The following ZNF91 variants were observed in gnomAD, a reference collection of about 807,000 sequenced individuals.
ZNF91 encodes the protein zinc finger protein 91.
Under a neutral mutation model 12.6 loss-of-function variants are expected in ZNF91, and 7 were observed. That is an observed-to-expected ratio of 0.55 (90% confidence interval 0.31 to 1.04). The LOEUF (loss-of-function observed/expected upper bound fraction) is 1.04. ZNF91 is among the 50% of genes least tolerant of loss of function. The probability of loss-of-function intolerance (pLI) is 0.05; values close to 1 mark genes in which losing one functional copy is unlikely to be tolerated. For missense variants in ZNF91, 1,217 were observed against 1,385.4 expected, an observed-to-expected ratio of 0.88 and a Z score of 1.93; for synonymous variants, 453 against 462.6, an observed-to-expected ratio of 0.98 and a Z score of 0.27.
At chr19:23,387,797 G>A (rs10421717) in intron 1 of ZNF91, among the ~76,000 whole-genome samples, 2,392 of 151,878 alleles carry the variant, frequency 0.016, 58 homozygotes, top group African/African-American at 0.054. Flanking sequence ...AAAATTAGTC[G>A]GGCATGGTGG....
intron 3 of ZNF91, among the ~76,000 whole-genome samples, chr19:23,349,676 A>G (rs747640536): frequency 1.3e-5 from 2 of 152,082 alleles, no homozygotes; most frequent in East Asian, 1.9e-4. Flanking sequence ...AGGCCCCTAC[A>G]CTGTGATACG....
chr19:23,368,952 T>C (rs920775275), intron 3 of ZNF91, among the ~76,000 whole-genome samples: 13 of 152,074 alleles, frequency 8.5e-5, no homozygotes, highest in African/African-American at 2.9e-4. Flanking sequence ...CAAAATCCCC[T>C]CACACCCACT....
In ZNF91 at chr19:23,318,779, T is replaced by C. The variant is rs187688223; in HGVS notation, n.117-9682A>G. 8.5e-3 allele frequency among the ~76,000 whole-genome samples: 1,300 copies of C among 152,314 alleles called. 13 individuals carry two copies. The highest frequency in any genetic ancestry group is 0.013 in the Non-Finnish European group (905 of 68,004). ...GCCCAACACACAGGTGATGTGATTC[T>C]ACTGCCTGGTCATTGCCCACAGGGG... On this transcript the variant is annotated intron_variant and non_coding_transcript_variant, in intron 1 of 1. Coordinates refer to the ZNF91 transcript ENST00000596528.
At chr19:23,366,016 C>T (rs1243976613) in intron 3 of ZNF91, among the ~76,000 whole-genome samples, 1 of 152,250 alleles carries the variant, frequency 6.6e-6, no homozygotes, top group African/African-American at 2.4e-5. Context: ...TTTTCCCCAC[C>T]TTTCCCCCTC....
chr19:23,351,283 C>T (rs1968358173), intron 3 of ZNF91, among the ~76,000 whole-genome samples: 1 of 150,172 alleles, frequency 6.7e-6, no homozygotes, highest in Non-Finnish European at 1.5e-5. Flanking sequence ...AAGATCACAC[C>T]ACTGCACTCC....
intron 2 of ZNF91, among the ~76,000 whole-genome samples, 170 bp downstream of exon 2, chr19:23,374,468 G>T (rs560466952): frequency 6.8e-6 from 1 of 147,938 alleles, no homozygotes; most frequent in Admixed American, 6.8e-5. Flanking sequence ...GCTGAGTCAG[G>T]AGAATGGTGT....
At chr19:23,394,779 AT>A (rs1454913866) in intron 1 of ZNF91, among the ~76,000 whole-genome samples, 1 of 152,180 alleles carries the variant, frequency 6.6e-6, no homozygotes, top group Non-Finnish European at 1.5e-5. Flanking sequence ...AAATTACTGA[AT>A]TTGGTTTTCT....
chr19:23,310,030 C>T (rs1967448887), intron 1 of ZNF91, among the ~76,000 whole-genome samples: 2 of 152,102 alleles, frequency 1.3e-5, no homozygotes, highest in African/African-American at 4.8e-5. Context: ...CATTTCTAAA[C>T]CCAGCTCTGG....
Position 23,360,613 on chromosome 19 carries a change from T to C in ZNF91, c.2366A>G (p.Lys789Arg), listed in dbSNP as rs1187085843. ...FIWSSTLTRHKRIHTGEKPYK... is the reference protein window; with the variant it reads ...FIWSSTLTRHRRIHTGEKPYK... ...GGGCTTCTCTCCAGTGTGTATCCTC[T>C]TATGTCTAGTTAGGGTTGAAGACCA... The change falls in exon 4 of 4, where the codon AAG becomes AGG. Residue 789 changes from lysine (K) to arginine (R), a missense_variant. This residue lies in a region of ZNF91 where 491 missense variants were observed against 489.8 expected (regional missense o/e 1.00). Coordinates refer to ENST00000300619, the MANE Select transcript of ZNF91 (RefSeq NM_003430.4). 3 of 1,613,936 alleles carry C rather than the reference T, an allele frequency of 1.9e-6. No individual in the cohort carries two copies. The highest frequency in any genetic ancestry group is 1.1e-5 in the South Asian group (1 of 91,068).
chr19:23,370,395 A>C (rs1477175675), intron 3 of ZNF91, among the ~76,000 whole-genome samples: 1 of 152,238 alleles, frequency 6.6e-6, no homozygotes, highest in East Asian at 1.9e-4. Flanking sequence ...AGAGAGCATA[A>C]AATGGTCAAA....
intron 1 of ZNF91, among the ~76,000 whole-genome samples, chr19:23,392,402 A>G (rs918531844): frequency 2.1e-5 from 3 of 145,004 alleles, no homozygotes; most frequent in Non-Finnish European, 4.6e-5. Flanking sequence ...ATCTCAAAAA[A>G]AAAAAAAAAA....
rs368731116 is a variant in ZNF91, at chr19:23,323,775, TTC to T, written n.117-14680_117-14679del. Among the ~76,000 whole-genome samples, 860 of 139,182 alleles carry T rather than the reference TTC, an allele frequency of 6.2e-3. 4 individuals carry two copies. The highest frequency in any genetic ancestry group is 0.024 in the African/African-American group (734 of 30,370). 91.3% of individuals were successfully genotyped at this position (139,182 alleles called of 152,430 possible). A position where few individuals can be genotyped will look rare whatever the true frequency, so the allele number is the denominator to read the frequency against. On this transcript the variant is annotated intron_variant and non_coding_transcript_variant, in intron 1 of 1. Coordinates refer to the ZNF91 transcript ENST00000596528. Reference sequence around the variant, plus strand: ...TTTTCTCATTCTTTTCGTCTCCTCCTTCTCTTTCTTCTTCCTCCTTCTCCTCT... The same window carrying T: ...TTTTCTCATTCTTTTCGTCTCCTCCTTCTTTCTTCTTCCTCCTTCTCCTCT...
At chr19:23,341,141 C>T (rs1968116103) in intron 3 of ZNF91, among the ~76,000 whole-genome samples, 1 of 151,256 alleles carries the variant, frequency 6.6e-6, no homozygotes, top group Non-Finnish European at 1.5e-5. Flanking sequence ...ACCACTGACT[C>T]CCAGGTTCAA....
At chr19:23,309,103 A>C (rs891853113) in intron 1 of ZNF91, 2 of 123,366 alleles carry the variant, frequency 1.6e-5, no homozygotes, top group African/African-American at 5.6e-5. Flanking sequence ...GGGCCCTGCC[A>C]AAAAAAAAAA....
chr19:23,338,125 GACAT>G (rs1477560292), downstream of ZNF91: 22 of 152,156 alleles, frequency 1.4e-4, no homozygotes, highest in East Asian at 2.1e-3. Flanking sequence ...AATAGAATTA[GACAT>G]ACATACACAG....
At chr19:23,392,843 A>G (rs147037404) in intron 1 of ZNF91, among the ~76,000 whole-genome samples, 2 of 152,034 alleles carry the variant, frequency 1.3e-5, no homozygotes, top group Non-Finnish European at 2.9e-5. Flanking sequence ...TAAGTGAACA[A>G]AGCTTTTCAA....
At chr19:23,349,381 C>A (rs564965638) in intron 3 of ZNF91, among the ~76,000 whole-genome samples, 1 of 152,018 alleles carries the variant, frequency 6.6e-6, no homozygotes, top group Non-Finnish European at 1.5e-5. Context: ...TCAGACCAGC[C>A]GACACTTAGG....
chr19:23,389,012 C>T (rs181789820), intron 1 of ZNF91, among the ~76,000 whole-genome samples: 4 of 152,166 alleles, frequency 2.6e-5, no homozygotes, highest in Admixed American at 2.6e-4. Context: ...TGGAGGGTGG[C>T]AGGAGAAACA....
chr19:23,369,734 C>T (rs1249955671), intron 3 of ZNF91, among the ~76,000 whole-genome samples: 1 of 151,812 alleles, frequency 6.6e-6, no homozygotes, highest in Non-Finnish European at 1.5e-5. Context: ...GAAACATGTG[C>T]TGTGTCCACT....
Sources: allele counts gnomAD v4.1 joint callset (sites outside exome capture counted in the v4.1 genomes callset), GRCh38; gene constraint gnomAD v4.1.1; regional missense constraint gnomAD v4.1.1; transcripts MANE v1.5; gene names NCBI Gene and HGNC (gene_info 2026-07-23, HGNC 2026-07-21).